CTNNA3: variants seen among roughly 807,000 people sequenced by gnomAD.
CTNNA3 encodes catenin alpha 3, also known as catenin alpha-3.
A neutral mutation model predicts 95.7 loss-of-function variants in CTNNA3; 76 were observed. That is an observed-to-expected ratio of 0.79 (90% CI 0.66 to 0.96). CTNNA3 has a LOEUF of 0.96. Among genes scored for constraint, CTNNA3 ranks in the 40% least tolerant of loss-of-function variants. The probability of loss-of-function intolerance (pLI) is 0.00; values close to 1 mark genes in which losing one functional copy is unlikely to be tolerated. For missense variants in CTNNA3, 1,191 were observed against 1,089.8 expected (o/e 1.09, Z -1.31); for synonymous variants, 431 against 374.4 (o/e 1.15, Z -1.74).
intron 5 of CTNNA3, among the ~76,000 whole-genome samples, chr10:67,458,984 A>G (rs1847276093): frequency 6.6e-6 from 1 of 152,216 alleles, no homozygotes; most frequent in African/African-American, 2.4e-5. Flanking sequence ...TGCTAAAAGA[A>G]GGAAAGTACA....
At chr10:67,602,747 C>G (rs1437232886) in intron 3 of CTNNA3, among the ~76,000 whole-genome samples, 1 of 152,148 alleles carries the variant, frequency 6.6e-6, no homozygotes, top group African/African-American at 2.4e-5. Flanking sequence ...GACGTACATA[C>G]TTATTACCAG....
At chr10:66,674,095 A>G (rs924636086) in intron 9 of CTNNA3, among the ~76,000 whole-genome samples, 6 of 151,924 alleles carry the variant, frequency 3.9e-5, no homozygotes, top group African/African-American at 1.5e-4. Context: ...TTTCTCCTCA[A>G]TCAATTCCAT....
intron 7 of CTNNA3, among the ~76,000 whole-genome samples, chr10:66,845,729 A>AAAAAAAAAAAC (rs1297933220): frequency 3.5e-4 from 31 of 87,738 alleles, no homozygotes; most frequent in Non-Finnish European, 5.7e-4. Context: ...AAAAAAAAAA[A>AAAAAAAAAAAC]CTAAAAAGGT....
chr10:67,397,707 A>T (rs1844760734), intron 5 of CTNNA3, among the ~76,000 whole-genome samples: 3 of 152,212 alleles, frequency 2.0e-5, no homozygotes, highest in Admixed American at 6.5e-5. Flanking sequence ...ACAGGCATAG[A>T]GGCCTAGGAG....
At chr10:66,439,963 A>G (rs1174563678) in intron 11 of CTNNA3, among the ~76,000 whole-genome samples, 1 of 152,194 alleles carries the variant, frequency 6.6e-6, no homozygotes, top group Non-Finnish European at 1.5e-5. Flanking sequence ...TTTCATTCCT[A>G]TAAAATCACA....
intron 7 of CTNNA3, among the ~76,000 whole-genome samples, chr10:66,898,682 C>A (rs952549379): frequency 6.6e-6 from 1 of 152,134 alleles, no homozygotes; most frequent in Non-Finnish European, 1.5e-5. Context: ...TAACTTACCA[C>A]ACACTAGACA....
intron 11 of CTNNA3, among the ~76,000 whole-genome samples, chr10:66,412,150 T>C (rs1027246057): frequency 1.4e-4 from 22 of 152,152 alleles, no homozygotes; most frequent in African/African-American, 4.6e-4. Context: ...AAACATGCAT[T>C]CGATATTCCA....
intron 3 of CTNNA3, among the ~76,000 whole-genome samples, chr10:67,592,708 A>T (rs12252661): frequency 0.23 from 34,642 of 152,120 alleles, 7,289 homozygotes; most frequent in African/African-American, 0.56. Flanking sequence ...AACTCAAAAC[A>T]GAAAGTGGCA....
At chr10:67,422,992 T>G (rs183492834) in intron 5 of CTNNA3, among the ~76,000 whole-genome samples, 1 of 152,194 alleles carries the variant, frequency 6.6e-6, no homozygotes, top group Non-Finnish European at 1.5e-5. Flanking sequence ...TGATTTCCAA[T>G]ATACTCTTAG....
chr10:66,201,557 G>T (rs1256223776), intron 13 of CTNNA3, among the ~76,000 whole-genome samples: 3 of 152,020 alleles, frequency 2.0e-5, no homozygotes, highest in Non-Finnish European at 4.4e-5. Flanking sequence ...AAAAGCAGAA[G>T]TTATCAGAAG....
At chr10:66,322,645 A>T (rs1473160501) in intron 12 of CTNNA3, among the ~76,000 whole-genome samples, 1 of 152,116 alleles carries the variant, frequency 6.6e-6, no homozygotes, top group Admixed American at 6.5e-5. Context: ...CAGGAAAAGA[A>T]CAAATCCTGG....
intron 15 of CTNNA3, among the ~76,000 whole-genome samples, chr10:66,056,819 A>G (rs1475134388): frequency 6.6e-6 from 1 of 152,178 alleles, no homozygotes; most frequent in Non-Finnish European, 1.5e-5. Context: ...GAGAGATTAA[A>G]TGTATAAATG....
chr10:66,777,397 G>C (rs1272988267), intron 7 of CTNNA3, among the ~76,000 whole-genome samples: 1 of 152,148 alleles, frequency 6.6e-6, no homozygotes, highest in East Asian at 1.9e-4. Context: ...CTAGGGAAGA[G>C]AGAAGTAAGA....
intron 13 of CTNNA3, among the ~76,000 whole-genome samples, chr10:66,117,667 T>C (rs1374786415): frequency 6.6e-6 from 1 of 152,190 alleles, no homozygotes; most frequent in East Asian, 1.9e-4. Flanking sequence ...GGACCACTAA[T>C]AAGGCTGGCA....
intron 13 of CTNNA3, among the ~76,000 whole-genome samples, chr10:66,158,689 A>G (rs2084682119): frequency 6.6e-6 from 1 of 151,914 alleles, no homozygotes; most frequent in Non-Finnish European, 1.5e-5. Flanking sequence ...GTGAAGAATG[A>G]TGGTGGTAAT....
intron 16 of CTNNA3, among the ~76,000 whole-genome samples, chr10:65,980,324 C>T (rs753390678): frequency 3.0e-4 from 45 of 151,608 alleles, no homozygotes; most frequent in African/African-American, 5.1e-4. Flanking sequence ...GAGATTGAAA[C>T]GGTAATTTAA....
At chr10:67,421,567 G>A (rs925174490) in intron 5 of CTNNA3, among the ~76,000 whole-genome samples, 2 of 152,052 alleles carry the variant, frequency 1.3e-5, no homozygotes, top group African/African-American at 2.4e-5. Context: ...ACACATCATG[G>A]GCTTTGGGTT....
At chr10:66,667,226 C>A (rs977022074) in intron 9 of CTNNA3, among the ~76,000 whole-genome samples, 1 of 151,680 alleles carries the variant, frequency 6.6e-6, no homozygotes, top group Non-Finnish European at 1.5e-5. Flanking sequence ...TATAAGAGCA[C>A]AAAGTTAAAT....
chr10:66,482,136 C>T (rs1382664028), intron 11 of CTNNA3, among the ~76,000 whole-genome samples: 1 of 152,162 alleles, frequency 6.6e-6, no homozygotes, highest in Non-Finnish European at 1.5e-5. Context: ...CAATTTTTAA[C>T]ATCTAAGACT....
Sources: allele counts gnomAD v4.1 joint callset (sites outside exome capture counted in the v4.1 genomes callset), GRCh38; gene constraint gnomAD v4.1.1; transcripts MANE v1.5; gene names NCBI Gene and HGNC (gene_info 2026-07-23, HGNC 2026-07-21).